The following SYT1 variants were observed in gnomAD, a reference collection of about 807,000 sequenced individuals.
The protein encoded by SYT1 is synaptotagmin 1.
In SYT1, 8 loss-of-function variants were observed where a neutral mutation model predicts 44.8. That is an observed-to-expected ratio of 0.18 (90% CI 0.10 to 0.32). The LOEUF (loss-of-function observed/expected upper bound fraction) is 0.32. Among genes scored for constraint, SYT1 ranks in the 10% least tolerant of loss-of-function variants. The pLI, the probability that SYT1 is intolerant of heterozygous loss-of-function variation, is 1.00. For missense variants in SYT1, 286 were observed against 509.3 expected (o/e 0.56, Z 4.22); for synonymous variants, 154 against 188.8 (o/e 0.82, Z 1.51).
intron 8 of SYT1, among the ~76,000 whole-genome samples, chr12:79,334,320 T>C (rs1881990777): frequency 6.6e-6 from 1 of 152,120 alleles, no homozygotes; most frequent in Admixed American, 6.6e-5. Context: ...GGCAAACCGA[T>C]TAAAACCCAG....
intron 4 of SYT1, among the ~76,000 whole-genome samples, chr12:79,253,782 A>G (rs1877365638): frequency 1.3e-5 from 2 of 152,130 alleles, no homozygotes; most frequent in African/African-American, 4.8e-5. Flanking sequence ...GTGCTACTCC[A>G]CTGAACACAC....
chr12:79,294,210 T>C (rs576073948), intron 6 of SYT1, among the ~76,000 whole-genome samples: 3 of 152,134 alleles, frequency 2.0e-5, no homozygotes, highest in Admixed American at 2.0e-4. Flanking sequence ...TTTAAGAAAA[T>C]AAATAATAAC....
At position 79,065,618 on chromosome 12, in the gene SYT1, A is replaced by G. The variant is rs143398417; in HGVS notation, c.-18+18256A>G. 3.2e-3 allele frequency among the ~76,000 whole-genome samples: 491 copies of G among 151,704 alleles called. 5 individuals are homozygous for G. Among genetic ancestry groups the G allele is most frequent in the African/African-American group, 0.011 (462 of 41,290 alleles). On this transcript the variant is annotated intron_variant, in intron 3 of 10. Coordinates refer to ENST00000261205, the MANE Select transcript of SYT1 (RefSeq NM_005639.3). ...AGAGGAAAATAAAAAAATCTTGAGG[A>G]AAAAAAAAGTCAAGGATGATTTTGA... is the stretch of plus-strand genomic sequence containing the variant.
chr12:79,263,007 C>T (rs955513922), intron 4 of SYT1, among the ~76,000 whole-genome samples: 3 of 152,216 alleles, frequency 2.0e-5, no homozygotes, highest in African/African-American at 7.2e-5. Flanking sequence ...CAGGTGAGAA[C>T]TGAAGTTATA....
chr12:78,911,715 A>C (rs2137128662), intron 1 of SYT1, among the ~76,000 whole-genome samples: 1 of 152,108 alleles, frequency 6.6e-6, no homozygotes, highest in East Asian at 1.9e-4. Context: ...TGAGGAGATA[A>C]GTAAAGACAA....
chr12:79,333,228 A>G (rs1439276902), intron 8 of SYT1, among the ~76,000 whole-genome samples: 1 of 152,194 alleles, frequency 6.6e-6, no homozygotes, highest in Non-Finnish European at 1.5e-5. Context: ...AGGTGCCAGC[A>G]AATTTAGTGT....
At chr12:79,053,968 G>C (rs1240760259) in intron 3 of SYT1, among the ~76,000 whole-genome samples, 12 of 151,968 alleles carry the variant, frequency 7.9e-5, no homozygotes, top group Non-Finnish European at 1.5e-5. Flanking sequence ...ATATATAGAA[G>C]GAAGGGAGTT....
intron 10 of SYT1, among the ~76,000 whole-genome samples, chr12:79,448,093 T>C (rs1870834942): frequency 6.6e-6 from 1 of 152,220 alleles, no homozygotes. Context: ...AAAAAGTATA[T>C]ATTTTATACC....
In SYT1 at chr12:78,899,854, A is replaced by G. The variant is rs1277716235; in HGVS notation, c.-217+34745A>G. ...TTATAGCTAGATTATTTTATAGGTAACACAAAATATTTTCCAAGATGAAGT... is the reference window on the plus strand; with the variant it reads ...TTATAGCTAGATTATTTTATAGGTAGCACAAAATATTTTCCAAGATGAAGT... On this transcript the variant is annotated intron_variant, in intron 1 of 10. Transcript: ENST00000261205. 2.0e-5 allele frequency among the ~76,000 whole-genome samples: 3 copies of G among 152,084 alleles called. No individual in the cohort carries two copies. The East Asian group carries it at 5.8e-4, about 29-fold the overall frequency.
At chr12:78,973,062 C>A (rs141821871) in intron 1 of SYT1, among the ~76,000 whole-genome samples, 1 of 152,096 alleles carries the variant, frequency 6.6e-6, no homozygotes, top group African/African-American at 2.4e-5. Context: ...TTTGCCCAAT[C>A]GGGTTTTATT....
intron 4 of SYT1, among the ~76,000 whole-genome samples, chr12:79,253,264 C>T (rs1403486532): frequency 6.6e-6 from 1 of 152,112 alleles, no homozygotes; most frequent in African/African-American, 2.4e-5. Flanking sequence ...ATGCCATTTT[C>T]CCCAAAGCTA....
Position 79,041,487 on chromosome 12 carries a change from T to G in SYT1, c.-83-5810T>G, listed in dbSNP as rs1311490287. 2.0e-5 allele frequency among the ~76,000 whole-genome samples: 3 copies of G among 151,978 alleles called. No homozygotes were observed. The East Asian group carries it at 5.8e-4, about 29-fold the overall frequency. ...GTACATTGATTTTGTATCCTGAGAC[T>G]TTGCTGAAGTTGCTTATCAGCTTAA... On this transcript the variant is annotated intron_variant, in intron 2 of 10. Transcript: ENST00000261205.
At chr12:79,139,292 C>T (rs541882554) in intron 3 of SYT1, among the ~76,000 whole-genome samples, 2 of 152,284 alleles carry the variant, frequency 1.3e-5, no homozygotes, top group South Asian at 4.2e-4. Context: ...TATAGAACGT[C>T]ACAAAGATCT....
chr12:79,120,853 C>T (rs1455546543), intron 3 of SYT1, among the ~76,000 whole-genome samples: 1 of 151,770 alleles, frequency 6.6e-6, no homozygotes, highest in African/African-American at 2.4e-5. Flanking sequence ...TTAATGATGG[C>T]ACAGCCAGTG....
At chr12:79,308,209 C>G (rs566735745) in intron 8 of SYT1, among the ~76,000 whole-genome samples, 113 of 152,174 alleles carry the variant, frequency 7.4e-4, no homozygotes, top group Non-Finnish European at 1.5e-3. Context: ...TCAGAGTGCA[C>G]AGTGCCAAGA....
At position 79,249,458 on chromosome 12, in the gene SYT1, G is replaced by C. The variant is rs1490429451; in HGVS notation, c.166+31773G>C. On this transcript the variant is annotated intron_variant, in intron 4 of 10. Transcript: ENST00000261205. ...GAAGAGTTGGAAGTGTGAGTGGTGAGAAATCACATGCATCCAGAGGAGACA... is the reference window on the plus strand; with the variant it reads ...GAAGAGTTGGAAGTGTGAGTGGTGACAAATCACATGCATCCAGAGGAGACA... Among the ~76,000 whole-genome samples, 4 of 152,222 alleles carry C rather than the reference G, an allele frequency of 2.6e-5. No homozygotes were observed. In the East Asian group the frequency reaches 7.7e-4, roughly 29 times the overall value.
intron 9 of SYT1, among the ~76,000 whole-genome samples, chr12:79,407,072 G>A (rs1020261568): frequency 6.6e-6 from 1 of 152,022 alleles, no homozygotes; most frequent in Admixed American, 6.6e-5. Context: ...ATCAAGCTAT[G>A]GCAAGTATTA....
intron 9 of SYT1, among the ~76,000 whole-genome samples, chr12:79,368,687 A>C (rs1883657392): frequency 1.3e-5 from 2 of 151,552 alleles, no homozygotes; most frequent in South Asian, 4.2e-4. Flanking sequence ...TTGGCTGCAT[A>C]AATGTCTTCT....
intron 8 of SYT1, among the ~76,000 whole-genome samples, chr12:79,313,413 G>A (rs1224582874): frequency 6.6e-6 from 1 of 152,114 alleles, no homozygotes; most frequent in Non-Finnish European, 1.5e-5. Flanking sequence ...CAGTATTTGA[G>A]GGAGGATCTT....
Sources: allele counts gnomAD v4.1 joint callset (sites outside exome capture counted in the v4.1 genomes callset), GRCh38; gene constraint gnomAD v4.1.1; transcripts MANE v1.5; gene names NCBI Gene and HGNC (gene_info 2026-07-23, HGNC 2026-07-21).